Variants in CFAP210 observed in about 807,000 individuals in gnomAD.
The protein encoded by CFAP210 is cilia- and flagella- associated protein 210.
chr2:169,682,041 A>T, the CFAP210 span, among the ~76,000 whole-genome samples: 1 of 152,232 alleles, frequency 6.6e-6, no homozygotes, highest in African/African-American at 2.4e-5. Context: ...AGTTCCTGTT[A>T]TAAAGTTAAA....
the CFAP210 span, among the ~76,000 whole-genome samples, chr2:169,666,896 T>A: frequency 1.3e-5 from 2 of 152,178 alleles, no homozygotes; most frequent in African/African-American, 2.4e-5. Context: ...CTTTCTTTGC[T>A]CATCCGTAAG....
chr2:169,678,011 C>T, the CFAP210 span, among the ~76,000 whole-genome samples: 8 of 151,952 alleles, frequency 5.3e-5, no homozygotes, highest in East Asian at 1.5e-3. Flanking sequence ...ATGTATAAAA[C>T]CTATATACTG....
chr2:169,678,356 AAAAAAAAG>A, the CFAP210 span, among the ~76,000 whole-genome samples: 2 of 148,138 alleles, frequency 1.4e-5, no homozygotes, highest in African/African-American at 2.5e-5. Flanking sequence ...AAAAAAAAAA[AAAAAAAAG>A]AAAGAAAGAA....
chr2:169,645,699 C>G, the CFAP210 span: 1 of 630,942 alleles, frequency 1.6e-6, no homozygotes, highest in Non-Finnish European at 2.7e-6. Flanking sequence ...TATATATACC[C>G]AAAAGAAATA....
the CFAP210 span, among the ~76,000 whole-genome samples, chr2:169,693,328 C>T: frequency 6.6e-6 from 1 of 152,202 alleles, no homozygotes; most frequent in Non-Finnish European, 1.5e-5. Flanking sequence ...TGCAGAAATG[C>T]ATATGCAGGA....
chr2:169,674,343 GT>G, the CFAP210 span, among the ~76,000 whole-genome samples: 1 of 151,700 alleles, frequency 6.6e-6, no homozygotes. Context: ...AAGTAAACAT[GT>G]TTTTTTTGCA....
the CFAP210 span, chr2:169,662,289 T>C: frequency 1.3e-6 from 2 of 1,595,020 alleles, no homozygotes; most frequent in East Asian, 2.2e-5. Flanking sequence ...CAAGAAACCG[T>C]CTCCTGCTTT....
At chr2:169,664,408 A>C in the CFAP210 span, among the ~76,000 whole-genome samples, 4 of 152,210 alleles carry the variant, frequency 2.6e-5, no homozygotes, top group South Asian at 8.3e-4. Context: ...CAAAAAATTT[A>C]CCTATTCTAA....
the CFAP210 span, chr2:169,674,605 C>T: frequency 1.2e-6 from 2 of 1,606,546 alleles, no homozygotes; most frequent in East Asian, 2.2e-5. Flanking sequence ...CAAGAGCCAC[C>T]CTTTCTCTGT....
chr2:169,649,452 A>G, the CFAP210 span: 1 of 1,018,186 alleles, frequency 9.8e-7, no homozygotes, highest in East Asian at 2.4e-5. Context: ...GTCAGCCAGG[A>G]GCAATGCAGG....
the CFAP210 span, among the ~76,000 whole-genome samples, chr2:169,663,140 A>C: frequency 2.4e-3 from 365 of 152,312 alleles, no homozygotes; most frequent in African/African-American, 8.4e-3. Context: ...CCCTTCATCC[A>C]GCAGCCAAAC....
chr2:169,674,927 CT>C, the CFAP210 span: 2 of 1,536,066 alleles, frequency 1.3e-6, no homozygotes, highest in Admixed American at 2.2e-5. Flanking sequence ...TTTCAATGGC[CT>C]TTTTTCTTTT....
chr2:169,673,785 A>G, the CFAP210 span, among the ~76,000 whole-genome samples: 4 of 152,256 alleles, frequency 2.6e-5, no homozygotes, highest in South Asian at 4.1e-4. Context: ...GAGTGATGGA[A>G]ATGTTCCATA....
At chr2:169,675,038 C>A in the CFAP210 span, 4 of 1,495,394 alleles carry the variant, frequency 2.7e-6, no homozygotes, top group South Asian at 1.4e-5. Flanking sequence ...GTTCTTTCAT[C>A]CCCTGTAAAA....
At chr2:169,686,836 A>G in the CFAP210 span, among the ~76,000 whole-genome samples, 2 of 152,112 alleles carry the variant, frequency 1.3e-5, no homozygotes, top group Non-Finnish European at 2.9e-5. Flanking sequence ...ACAATACTAA[A>G]TCTCCCAGCC....
At chr2:169,690,714 A>G in the CFAP210 span, among the ~76,000 whole-genome samples, 2 of 151,884 alleles carry the variant, frequency 1.3e-5, no homozygotes, top group African/African-American at 4.8e-5. Flanking sequence ...AGTAATTTGA[A>G]TATATTAGCC....
the CFAP210 span, among the ~76,000 whole-genome samples, chr2:169,684,175 CAGAG>C: frequency 2.6e-5 from 4 of 151,990 alleles, no homozygotes; most frequent in Admixed American, 6.5e-5. Context: ...GACAGATGGA[CAGAG>C]AGAGAATATA....
the CFAP210 span, among the ~76,000 whole-genome samples, chr2:169,647,772 G>C: frequency 6.6e-6 from 1 of 152,168 alleles, no homozygotes; most frequent in Non-Finnish European, 1.5e-5. Flanking sequence ...TCATGGGATG[G>C]AAGAAGACAT....
At chr2:169,662,366 G>A in the CFAP210 span, 36 of 1,602,648 alleles carry the variant, frequency 2.2e-5, no homozygotes, top group Admixed American at 1.0e-4. Context: ...GCATTCTGTC[G>A]CTTTATTTCC....
Sources: gnomAD v4.1 joint callset for allele counts (sites outside exome capture counted in the v4.1 genomes callset) on GRCh38, gnomAD v4.1.1 for gene constraint, MANE v1.5 for transcripts, NCBI Gene and HGNC (gene_info 2026-07-23, HGNC 2026-07-21) for gene names.